The following YARS1 variants were observed in gnomAD, a reference collection of about 807,000 sequenced individuals.
YARS1 encodes the protein tyrosine--tRNA ligase, cytoplasmic.
In YARS1, 36 loss-of-function variants were observed where a neutral mutation model predicts 62.2. That is an observed-to-expected ratio of 0.58 (90% CI 0.44 to 0.76). The LOEUF (loss-of-function observed/expected upper bound fraction) is 0.76, where lower values mean the gene tolerates loss of function less well. YARS1 is among the 30% of genes least tolerant of loss of function. The pLI, the probability that YARS1 is intolerant of heterozygous loss-of-function variation, is 0.00. For synonymous variants in YARS1, 234 were observed against 244.9 expected, an observed-to-expected ratio of 0.96 and a Z score of 0.42; for missense variants, 524 against 639.8, an observed-to-expected ratio of 0.82 and a Z score of 1.95.
In YARS1 at chr1:32,814,672, G is replaced by A. The variant is rs528317401; in HGVS notation, c.57+2516C>T. ...CCCAAAGTGTTGGGATTACCGGCAT[G>A]AGCCACTGCGCTTGGCCCCTCCAAT... On this transcript the variant is annotated intron_variant, in intron 1 of 12. Coordinates refer to ENST00000373477, the MANE Select transcript of YARS1 (RefSeq NM_003680.4). 4.6e-5 allele frequency among the ~76,000 whole-genome samples: 7 copies of A among 152,314 alleles called. No homozygotes were observed. The East Asian group carries it at 1.4e-3, about 29-fold the overall frequency.
chr1:32,814,667 G>A (rs762577748), intron 1 of YARS1, among the ~76,000 whole-genome samples: 8 of 152,186 alleles, frequency 5.3e-5, no homozygotes, highest in South Asian at 2.1e-4. Flanking sequence ...TGGGATTACC[G>A]GCATGAGCCA....
In YARS1 at chr1:32,810,560, C is replaced by T. The variant is rs755438056; in HGVS notation, c.380+31G>A. 4 of 1,612,234 alleles carry T rather than the reference C, an allele frequency of 2.5e-6. No homozygotes were observed. The South Asian group carries it at 4.4e-5, about 18-fold the overall frequency. On this transcript the variant is annotated intron_variant, in intron 3 of 12. Coordinates refer to ENST00000373477, the MANE Select transcript of YARS1 (RefSeq NM_003680.4). ...CTGTAATTAGCTAGAAGCACCAGAG[C>T]CACAAGGAGGGTGGATGATCAAGCA...
chr1:32,799,851 C>CA (rs1229802528), intron 4 of YARS1, among the ~76,000 whole-genome samples: 1 of 151,952 alleles, frequency 6.6e-6, no homozygotes, highest in African/African-American at 2.4e-5. Context: ...CAGAATAAAA[C>CA]AGAGATGGAG....
chr1:32,775,250 A>G lies in YARS1; in HGVS notation c.*731T>C, dbSNP rs1313702790. 1 of 152,444 alleles carries G rather than the reference A, an allele frequency of 6.6e-6. No homozygotes were observed. The highest frequency in any genetic ancestry group is 1.5e-5 in the Non-Finnish European group (1 of 68,280). 9.4% of individuals were successfully genotyped at this position (152,444 alleles called of 1,614,324 possible). A position where few individuals can be genotyped will look rare whatever the true frequency, so the allele number is the denominator to read the frequency against. On this transcript the variant is annotated 3_prime_UTR_variant, in exon 13 of 13. Transcript: ENST00000373477. Reference sequence around the variant, plus strand: ...CTCACATCCAGACACCCTTGTTCAGACATTTTATTTGAATTTATGACAGTG... The same window carrying G: ...CTCACATCCAGACACCCTTGTTCAGGCATTTTATTTGAATTTATGACAGTG...
intron 5 of YARS1, 40 bp downstream of exon 5, chr1:32,797,723 T>G: frequency 1.3e-6 from 2 of 1,541,394 alleles, no homozygotes; most frequent in Non-Finnish European, 1.8e-6. Context: ...TGCATACCTC[T>G]GAGGTGCAAG....
At chr1:32,798,006 G>A (rs1390481215) in intron 4 of YARS1, 163 bp from the exon 5 acceptor site, 3 of 638,448 alleles carry the variant, frequency 4.7e-6, no homozygotes, top group Non-Finnish European at 8.5e-6. Context: ...GAGTAGTTGG[G>A]ATTACAGACA....
chr1:32,796,207 A>G (rs1653575727), intron 5 of YARS1, among the ~76,000 whole-genome samples: 1 of 152,088 alleles, frequency 6.6e-6, no homozygotes, highest in African/African-American at 2.4e-5. Flanking sequence ...AGGCAAAGAG[A>G]GTCACTTGAA....
rs1189484027 is a variant in YARS1 at position 32,775,341 on chromosome 1, C to G, written c.*640G>C. The G allele has an allele frequency of 1.9e-5, 3 of 154,022 alleles. No homozygotes were observed. Among genetic ancestry groups the G allele is most frequent in the African/African-American group, 7.2e-5 (3 of 41,462 alleles). The allele number at this position is 154,022 out of a possible 1,614,324, so 9.5% of individuals were successfully genotyped here. The stretch of plus-strand genomic sequence containing the variant: ...CCCTCTATGAAGACAGAATCACTCT[C>G]TGCCATTCATTCTGCCTGATGCTAA... On this transcript the variant is annotated 3_prime_UTR_variant, in exon 13 of 13. Transcript: ENST00000373477.
chr1:32,801,371 CTATT>C (rs1267930885), intron 4 of YARS1, among the ~76,000 whole-genome samples: 1 of 152,032 alleles, frequency 6.6e-6, no homozygotes, highest in East Asian at 1.9e-4. Flanking sequence ...ATACCGTAGT[CTATT>C]TAAAGTGTGT....
In YARS1 at chr1:32,775,444, G is replaced by C. The variant is rs1652813130; in HGVS notation, c.*537C>G. The C allele has an allele frequency of 6.3e-6, 1 of 158,248 alleles. No homozygotes were observed. Among genetic ancestry groups the C allele is most frequent in the Non-Finnish European group, 1.4e-5 (1 of 71,560 alleles). 9.8% of individuals were successfully genotyped at this position (158,248 alleles called of 1,614,324 possible). ...TCCAGGAGCCCTGGGGCAGGCCCTGGCCCCCAGTGCCAAGCCTCAGAGTAA... is the reference window on the plus strand; with the variant it reads ...TCCAGGAGCCCTGGGGCAGGCCCTGCCCCCCAGTGCCAAGCCTCAGAGTAA... On this transcript the variant is annotated 3_prime_UTR_variant, in exon 13 of 13. Transcript: ENST00000373477.
chr1:32,809,825 G>C (rs1638542093), intron 3 of YARS1, among the ~76,000 whole-genome samples: 1 of 152,216 alleles, frequency 6.6e-6, no homozygotes, highest in African/African-American at 2.4e-5. Context: ...AGTAAGTTAG[G>C]CTGGGCGCAG....
At position 32,799,603 on chromosome 1, in the gene YARS1, C is replaced by G. The variant is rs144337198; in HGVS notation, c.511-1760G>C. ...GAAGAGAAGGCTGAACAAGCAGGAA[C>G]AGTCTAGAACAGCATTATCCAACAG... On this transcript the variant is annotated intron_variant, in intron 4 of 12. Coordinates refer to ENST00000373477, the MANE Select transcript of YARS1 (RefSeq NM_003680.4). Among the ~76,000 whole-genome samples the G allele has an allele frequency of 5.5e-3, 834 of 152,312 alleles. 7 individuals carry two copies. The highest frequency in any genetic ancestry group is 0.019 in the African/African-American group (774 of 41,554).
intron 4 of YARS1, among the ~76,000 whole-genome samples, chr1:32,799,527 T>A (rs989353331): frequency 6.6e-6 from 1 of 152,126 alleles, no homozygotes; most frequent in Non-Finnish European, 1.5e-5. Flanking sequence ...TAAGACATTT[T>A]AAAAAAGTAG....
At chr1:32,804,496 G>C (rs1638398016) in intron 4 of YARS1, among the ~76,000 whole-genome samples, 1 of 151,732 alleles carries the variant, frequency 6.6e-6, no homozygotes, top group Admixed American at 6.6e-5. Flanking sequence ...GCCAGGCGGA[G>C]GGGCTCCTCA....
In YARS1 at chr1:32,786,450, A is replaced by G. The variant is rs757673905; in HGVS notation, c.821-3T>C. On this transcript the variant is annotated splice_polypyrimidine_tract_variant and splice_region_variant and intron_variant, in intron 7 of 12. Transcript: ENST00000373477. Reference sequence around the variant, plus strand: ...CTCATCTCGTAGGATCACAAACTCTATAAGGAAAAGGATCCATGTCAACAA... The same window carrying G: ...CTCATCTCGTAGGATCACAAACTCTGTAAGGAAAAGGATCCATGTCAACAA... The G allele has an allele frequency of 1.5e-5, 25 of 1,613,134 alleles. No individual in the cohort carries two copies. Among genetic ancestry groups the G allele is most frequent in the East Asian group, 4.5e-5 (2 of 44,884 alleles).
In YARS1 at chr1:32,791,154, C is replaced by CA. The variant is rs1653400619; in HGVS notation, c.684+7dup. ...ATTTCTAAATTCAAGTCTCAGCTGG[C>CA]AACTTACCTCTTCTGAAGAGCTCAT... On this transcript the variant is annotated splice_region_variant and intron_variant, in intron 6 of 12. Transcript: ENST00000373477. The CA allele has an allele frequency of 3.7e-6, 6 of 1,612,906 alleles. No homozygotes were observed. The highest frequency in any genetic ancestry group is 2.7e-5 in the African/African-American group (2 of 74,882).
intron 5 of YARS1, among the ~76,000 whole-genome samples, chr1:32,793,563 G>A (rs772596415): frequency 8.5e-5 from 13 of 152,220 alleles, no homozygotes; most frequent in Non-Finnish European, 1.6e-4. Context: ...AGGATCATCT[G>A]AGCCCAGGAA....
chr1:32,814,053 C>T lies in YARS1; in HGVS notation c.58-2996G>A, dbSNP rs1471713131. Among the ~76,000 whole-genome samples the T allele has an allele frequency of 2.0e-5, 3 of 152,166 alleles. No individual in the cohort carries two copies. In the East Asian group the frequency reaches 5.8e-4, roughly 29 times the overall value. Reference sequence around the variant, plus strand: ...CAGTTGCTTCAATTACTACTATGAGCCAGTAACTCCCAAATCTCCTGCTTA... The same window carrying T: ...CAGTTGCTTCAATTACTACTATGAGTCAGTAACTCCCAAATCTCCTGCTTA... On this transcript the variant is annotated intron_variant, in intron 1 of 12. Transcript: ENST00000373477.
intron 8 of YARS1, chr1:32,783,815 G>T (rs1186900837): frequency 1.3e-5 from 2 of 152,128 alleles, no homozygotes; most frequent in African/African-American, 4.8e-5. Context: ...CCTTGTGTGG[G>T]TATTTAAATG....
Sources: allele counts gnomAD v4.1 joint callset (sites outside exome capture counted in the v4.1 genomes callset), GRCh38; gene constraint gnomAD v4.1.1; transcripts MANE v1.5; gene names NCBI Gene and HGNC (gene_info 2026-07-23, HGNC 2026-07-21).